CADM2: variants seen among roughly 807,000 people sequenced by gnomAD.
CADM2 encodes the protein cell adhesion molecule 2.
A neutral mutation model predicts 49.8 loss-of-function variants in CADM2; 12 were observed. The observed-to-expected ratio is 0.24, with a 90% CI of 0.15 to 0.39. The LOEUF is 0.39. Ranked by LOEUF, CADM2 falls within the 10% of genes least tolerant of loss-of-function variation. CADM2 has a pLI of 1.00. For missense variants in CADM2, 378 were observed against 492.3 expected (o/e 0.77, Z 2.20); for synonymous variants, 214 against 175.4 (o/e 1.22, Z -1.74).
intron 1 of CADM2, among the ~76,000 whole-genome samples, chr3:85,375,985 A>G (rs562861044): frequency 6.6e-6 from 1 of 152,278 alleles, no homozygotes; most frequent in East Asian, 1.9e-4. Flanking sequence ...GATACATATG[A>G]TCAGTTTTTA....
At chr3:85,494,012 C>G (rs1391520594) in intron 1 of CADM2, among the ~76,000 whole-genome samples, 4 of 152,002 alleles carry the variant, frequency 2.6e-5, no homozygotes, top group Non-Finnish European at 2.9e-5. Context: ...AGAAATGCCA[C>G]GAGTTATAAG....
At chr3:85,321,296 C>T (rs2044606968) in intron 1 of CADM2, among the ~76,000 whole-genome samples, 1 of 149,768 alleles carries the variant, frequency 6.7e-6, no homozygotes, top group East Asian at 2.0e-4. Flanking sequence ...CCTCAGCCTT[C>T]CAAGTAGCTA....
intron 3 of CADM2, among the ~76,000 whole-genome samples, chr3:85,829,594 C>T (rs2074089907): frequency 6.6e-6 from 1 of 151,900 alleles, no homozygotes; most frequent in African/African-American, 2.4e-5. Context: ...TCCATTTCCA[C>T]CCATGCTGTA....
At chr3:85,719,505 T>C (rs1028875727) in intron 1 of CADM2, among the ~76,000 whole-genome samples, 6 of 152,204 alleles carry the variant, frequency 3.9e-5, no homozygotes, top group Non-Finnish European at 8.8e-5. Context: ...ATATGTATCA[T>C]GTACTGTATT....
At chr3:85,298,952 G>T (rs1250864861) in intron 1 of CADM2, among the ~76,000 whole-genome samples, 1 of 152,020 alleles carries the variant, frequency 6.6e-6, no homozygotes, top group Non-Finnish European at 1.5e-5. Flanking sequence ...TTTTTAAAAT[G>T]TTCCCAAAAC....
At position 86,071,137 on chromosome 3, in the gene CADM2, T is replaced by C. The variant is rs2107462314; in HGVS notation, c.*4354T>C. ...TGTTATTGCAGAGAAAGAAATAACCTGAGTTTTAAATTTCGATTCATATCT... is the reference window on the plus strand; with the variant it reads ...TGTTATTGCAGAGAAAGAAATAACCCGAGTTTTAAATTTCGATTCATATCT... On this transcript the variant is annotated 3_prime_UTR_variant, in exon 10 of 10. Coordinates refer to ENST00000383699, the MANE Select transcript of CADM2 (RefSeq NM_001167675.2). 1 of 152,020 alleles carries C rather than the reference T, an allele frequency of 6.6e-6. No homozygotes were observed. The highest frequency in any genetic ancestry group is 1.5e-5 in the Non-Finnish European group (1 of 67,826). The allele number at this position is 152,020 out of a possible 1,614,324, so 9.4% of individuals were successfully genotyped here. A position where few individuals can be genotyped will look rare whatever the true frequency, so the allele number is the denominator to read the frequency against.
intron 1 of CADM2, among the ~76,000 whole-genome samples, chr3:85,725,732 C>T (rs2067672724): frequency 6.6e-6 from 1 of 151,868 alleles, no homozygotes; most frequent in African/African-American, 2.4e-5. Flanking sequence ...GAAATAATGC[C>T]ATTTAAAGTA....
At chr3:85,515,845 T>A (rs961434317) in intron 1 of CADM2, among the ~76,000 whole-genome samples, 2 of 151,872 alleles carry the variant, frequency 1.3e-5, no homozygotes, top group African/African-American at 4.8e-5. Context: ...TTAAATATGT[T>A]CCTATTACTA....
At position 85,111,441 on chromosome 3, in the gene CADM2, T is replaced by C. The variant is rs571216913; in HGVS notation, c.61+151773T>C. 6.6e-5 allele frequency among the ~76,000 whole-genome samples: 10 copies of C among 152,000 alleles called. 1 individual carries two copies. The East Asian group carries it at 1.7e-3, about 26-fold the overall frequency. ...TATTATCTATGTTTACATGAGAGCT[T>C]TTAAGTATTTTGATGAAAATATGTA... On this transcript the variant is annotated intron_variant, in intron 1 of 9. Coordinates refer to ENST00000383699, the MANE Select transcript of CADM2 (RefSeq NM_001167675.2).
chr3:85,406,337 A>T (rs927412352), intron 1 of CADM2, among the ~76,000 whole-genome samples: 1 of 152,178 alleles, frequency 6.6e-6, no homozygotes, highest in Non-Finnish European at 1.5e-5. Flanking sequence ...CTATATTTTT[A>T]CACATCACAA....
chr3:85,985,483 T>A (rs1727980378), intron 8 of CADM2, among the ~76,000 whole-genome samples: 1 of 151,888 alleles, frequency 6.6e-6, no homozygotes, highest in African/African-American at 2.4e-5. Flanking sequence ...GTGACATATG[T>A]TTAAAAAGGT....
intron 1 of CADM2, among the ~76,000 whole-genome samples, chr3:85,232,696 C>A (rs1388020177): frequency 6.6e-6 from 1 of 152,036 alleles, no homozygotes; most frequent in East Asian, 1.9e-4. Context: ...TAGGGAATTG[C>A]AAATTGAAAC....
At chr3:85,277,814 G>C (rs59086504) in intron 1 of CADM2, among the ~76,000 whole-genome samples, 1 of 151,104 alleles carries the variant, frequency 6.6e-6, no homozygotes, top group Admixed American at 6.6e-5. Context: ...GAATAAAAAA[G>C]TTTAGATCAG....
intron 8 of CADM2, among the ~76,000 whole-genome samples, chr3:86,046,495 G>A (rs190741041): frequency 1.3e-5 from 2 of 152,124 alleles, no homozygotes; most frequent in East Asian, 3.9e-4. Context: ...GGCAATGTTT[G>A]GGGACAATTT....
chr3:86,046,428 T>C (rs186526017), intron 8 of CADM2, among the ~76,000 whole-genome samples: 11 of 152,280 alleles, frequency 7.2e-5, no homozygotes, highest in Admixed American at 6.5e-4. Flanking sequence ...CTTTTAAGCA[T>C]ATTTGCCTAG....
intron 1 of CADM2, among the ~76,000 whole-genome samples, chr3:85,137,397 T>C (rs1165858208): frequency 6.6e-6 from 1 of 152,004 alleles, no homozygotes; most frequent in East Asian, 1.9e-4. Context: ...AAAAAAAGCA[T>C]AAATACTTAT....
At chr3:85,716,969 G>T (rs1359021597) in intron 1 of CADM2, among the ~76,000 whole-genome samples, 2 of 152,072 alleles carry the variant, frequency 1.3e-5, no homozygotes, top group African/African-American at 4.8e-5. Context: ...GGATTGTCTT[G>T]GCTATATGGG....
intron 1 of CADM2, among the ~76,000 whole-genome samples, chr3:85,637,610 A>AT: frequency 1.5e-5 from 2 of 132,082 alleles, no homozygotes; most frequent in Non-Finnish European, 3.2e-5. Context: ...CTCCGTCTCA[A>AT]AAAAAAAAAA....
chr3:86,031,114 T>C (rs73136118), intron 8 of CADM2, among the ~76,000 whole-genome samples: 146 of 151,944 alleles, frequency 9.6e-4, no homozygotes, highest in Non-Finnish European at 1.8e-3. Context: ...GAAGGTTCAA[T>C]AGCATGGATT....
Sources: allele counts gnomAD v4.1 joint callset (sites outside exome capture counted in the v4.1 genomes callset), GRCh38; gene constraint gnomAD v4.1.1; transcripts MANE v1.5; gene names NCBI Gene and HGNC (gene_info 2026-07-23, HGNC 2026-07-21).